GRM8: variants seen among roughly 807,000 people sequenced by gnomAD.
GRM8 encodes metabotropic glutamate receptor 8.
A neutral mutation model predicts 87.2 loss-of-function variants in GRM8; 47 were observed. The ratio of observed to expected loss-of-function variants is 0.54; its 90% CI spans 0.43 to 0.69. GRM8 has a LOEUF of 0.69. GRM8 is among the 30% of genes least tolerant of loss of function. The probability of loss-of-function intolerance (pLI) is 0.00; values close to 1 mark genes in which losing one functional copy is unlikely to be tolerated. For synonymous variants in GRM8, 396 were observed against 404.5 expected, an observed-to-expected ratio of 0.98 and a Z score of 0.25; for missense variants, 1,019 against 1,139.2, an observed-to-expected ratio of 0.89 and a Z score of 1.52.
At chr7:126,624,879 G>A (rs1039334593) in intron 7 of GRM8, among the ~76,000 whole-genome samples, 1 of 152,192 alleles carries the variant, frequency 6.6e-6, no homozygotes, top group East Asian at 1.9e-4. Context: ...TGTTAAAAAC[G>A]ACAGAACTTA....
chr7:126,987,497 C>G (rs1434758256), intron 3 of GRM8, among the ~76,000 whole-genome samples: 1 of 151,428 alleles, frequency 6.6e-6, no homozygotes, highest in East Asian at 1.9e-4. Context: ...GTCTCGCTCT[C>G]TCGTCCAGGC....
intron 3 of GRM8, chr7:127,084,399 G>A (rs1823233079): frequency 6.6e-6 from 1 of 152,306 alleles, no homozygotes; most frequent in East Asian, 1.9e-4. Context: ...ATCTCCAACA[G>A]CTATGCATTT....
chr7:126,725,645 T>C (rs1812886975), intron 7 of GRM8, among the ~76,000 whole-genome samples: 1 of 152,180 alleles, frequency 6.6e-6, no homozygotes, highest in Non-Finnish European at 1.5e-5. Flanking sequence ...GTTCTTGCAC[T>C]GCAATAAATA....
At chr7:127,229,013 CACT>C (rs1269526598) in intron 2 of GRM8, 3 of 152,076 alleles carry the variant, frequency 2.0e-5, no homozygotes, top group African/African-American at 7.2e-5. Context: ...AATCCTATAC[CACT>C]ACAATATTTT....
At chr7:126,686,912 C>A (rs1163412371) in intron 7 of GRM8, among the ~76,000 whole-genome samples, 1 of 152,206 alleles carries the variant, frequency 6.6e-6, no homozygotes. Context: ...GAAAAACCAG[C>A]CCAGGAATTA....
intron 3 of GRM8, among the ~76,000 whole-genome samples, chr7:126,961,169 C>T (rs1391912984): frequency 6.6e-6 from 1 of 152,058 alleles, no homozygotes; most frequent in African/African-American, 2.4e-5. Flanking sequence ...AATCCTTTCT[C>T]TATGTAAAAA....
At chr7:126,855,339 C>T (rs1314167082) in intron 6 of GRM8, among the ~76,000 whole-genome samples, 11 of 151,974 alleles carry the variant, frequency 7.2e-5, no homozygotes, top group Non-Finnish European at 1.6e-4. Context: ...TGTCAGCAAC[C>T]CTGAAGATAC....
At chr7:127,073,526 T>A (rs1201875579) in intron 3 of GRM8, among the ~76,000 whole-genome samples, 2 of 152,140 alleles carry the variant, frequency 1.3e-5, no homozygotes, top group Non-Finnish European at 2.9e-5. Flanking sequence ...CCCACAAGAC[T>A]CGTTTATTAC....
chr7:127,102,230 C>T (rs968614441), intron 3 of GRM8, among the ~76,000 whole-genome samples: 1 of 152,094 alleles, frequency 6.6e-6, no homozygotes, highest in African/African-American at 2.4e-5. Flanking sequence ...AAAAGGGAAG[C>T]AGGGTATAAA....
chr7:126,909,191 G>T (rs1586418852), intron 3 of GRM8, among the ~76,000 whole-genome samples: 1 of 152,202 alleles, frequency 6.6e-6, no homozygotes, highest in South Asian at 2.1e-4. Context: ...CCACAGTTCA[G>T]TCATAAATGA....
chr7:126,659,681 T>A (rs1044431387), intron 7 of GRM8, among the ~76,000 whole-genome samples: 2 of 152,228 alleles, frequency 1.3e-5, no homozygotes, highest in Non-Finnish European at 2.9e-5. Context: ...CCATTTCATT[T>A]TATTCTTAAA....
intron 7 of GRM8, among the ~76,000 whole-genome samples, chr7:126,761,974 A>C (rs1258268335): frequency 1.3e-5 from 2 of 152,144 alleles, no homozygotes; most frequent in Admixed American, 1.3e-4. Context: ...GTAAATGCTC[A>C]TGCCTCTATC....
chr7:126,664,767 A>C (rs1170945037), intron 7 of GRM8, among the ~76,000 whole-genome samples: 1 of 152,190 alleles, frequency 6.6e-6, no homozygotes, highest in African/African-American at 2.4e-5. Flanking sequence ...ATAACAATCA[A>C]TAACTAGGAC....
intron 2 of GRM8, among the ~76,000 whole-genome samples, chr7:127,119,496 TC>T (rs1826902060): frequency 6.7e-6 from 1 of 150,308 alleles, no homozygotes; most frequent in Non-Finnish European, 1.5e-5. Context: ...TCTCTCTCTC[TC>T]TCTCACACAC....
At chr7:126,878,296 T>C (rs1799707023) in intron 6 of GRM8, among the ~76,000 whole-genome samples, 2 of 152,140 alleles carry the variant, frequency 1.3e-5, no homozygotes, top group Non-Finnish European at 2.9e-5. Flanking sequence ...CTGAGGCAGC[T>C]CCATAGGAAA....
chr7:126,580,481 C>T (rs191358815), intron 8 of GRM8, among the ~76,000 whole-genome samples: 9 of 152,246 alleles, frequency 5.9e-5, no homozygotes, highest in Admixed American at 3.3e-4. Context: ...CTTTCTTCTG[C>T]ATTCTCGTCT....
intron 9 of GRM8, chr7:126,465,346 T>TACAC (rs113144201): frequency 0.095 from 14,089 of 148,878 alleles, 704 homozygotes; most frequent in Non-Finnish European, 0.11. Flanking sequence ...CAGTTTTCGA[T>TACAC]ACACACACAC....
Position 126,977,803 on chromosome 7 carries a change from C to T in GRM8, c.728-73120G>A, listed in dbSNP as rs147433332. ...ATGTCCTGGAAGAAAATAGAGCGGA[C>T]ATCATAAAATTTGTAGAAGGGAGAG... On this transcript the variant is annotated intron_variant, in intron 3 of 10. Coordinates refer to ENST00000339582, the MANE Select transcript of GRM8 (RefSeq NM_000845.3). Among the ~76,000 whole-genome samples, 339 of 152,242 alleles carry T rather than the reference C, an allele frequency of 2.2e-3. 2 individuals carry two copies. Among genetic ancestry groups the T allele is most frequent in the African/African-American group, 7.8e-3 (326 of 41,554 alleles).
intron 9 of GRM8, among the ~76,000 whole-genome samples, chr7:126,471,906 C>T (rs1472663716): frequency 1.1e-4 from 16 of 152,146 alleles, no homozygotes; most frequent in South Asian, 2.1e-4. Flanking sequence ...AGGTCCTTCA[C>T]GTCCCTTGTG....
Sources: allele counts gnomAD v4.1 joint callset (sites outside exome capture counted in the v4.1 genomes callset), GRCh38; gene constraint gnomAD v4.1.1; transcripts MANE v1.5; gene names NCBI Gene and HGNC (gene_info 2026-07-23, HGNC 2026-07-21).